Variants in CREM observed in about 807,000 individuals in gnomAD.
CREM encodes cAMP-responsive element modulator.
Under a neutral mutation model 37.3 loss-of-function variants are expected in CREM, and 13 were observed. The observed-to-expected ratio is 0.35, with a 90% CI of 0.23 to 0.55. The LOEUF is 0.55. CREM is among the 20% of genes least tolerant of loss of function. The pLI is 0.88. For missense variants in CREM, 296 were observed against 362.3 expected (o/e 0.82, Z 1.49); for synonymous variants, 124 against 120.2 (o/e 1.03, Z -0.21).
chr10:35,207,299 C>A (rs1323426463), intron 7 of CREM, among the ~76,000 whole-genome samples: 1 of 152,008 alleles, frequency 6.6e-6, no homozygotes, highest in East Asian at 1.9e-4. Context: ...GAGGCTGAGG[C>A]AGGACAATGG....
At chr10:35,148,625 T>A in intron 3 of CREM, 134 bp downstream of exon 3, 2 of 1,022,170 alleles carry the variant, frequency 2.0e-6, no homozygotes, top group Non-Finnish European at 2.8e-6. Context: ...TATTTGATTG[T>A]GAAGAAAAGA....
intron 6 of CREM, among the ~76,000 whole-genome samples, chr10:35,189,141 A>G (rs1008072106): frequency 2.6e-5 from 4 of 151,210 alleles, no homozygotes; most frequent in African/African-American, 9.7e-5. Context: ...TTTCTAGGCA[A>G]CTCATTTCAA....
intron 6 of CREM, among the ~76,000 whole-genome samples, chr10:35,205,053 C>T (rs1273879263): frequency 2.0e-5 from 3 of 152,140 alleles, no homozygotes; most frequent in Non-Finnish European, 4.4e-5. Flanking sequence ...TTGCACTTAG[C>T]TTTGAGAGAG....
chr10:35,152,317 A>C (rs779700061), intron 3 of CREM: 1 of 152,232 alleles, frequency 6.6e-6, no homozygotes, highest in Non-Finnish European at 1.5e-5. Flanking sequence ...GAAAATCATC[A>C]GAGACCTAGC....
intron 7 of CREM, among the ~76,000 whole-genome samples, chr10:35,208,502 C>A (rs2095589202): frequency 6.6e-6 from 1 of 151,942 alleles, no homozygotes; most frequent in Non-Finnish European, 1.5e-5. Flanking sequence ...TTAGAGTTTC[C>A]CAGTAGTCTT....
intron 6 of CREM, chr10:35,195,853 G>A (rs2095135506): frequency 1.8e-6 from 1 of 564,100 alleles, no homozygotes; most frequent in African/African-American, 1.9e-5. Context: ...GCTGCACATT[G>A]ACGTCAGCTC....
At chr10:35,199,712 C>T (rs537965766) in intron 6 of CREM, among the ~76,000 whole-genome samples, 3 of 152,130 alleles carry the variant, frequency 2.0e-5, no homozygotes, top group South Asian at 2.1e-4. Flanking sequence ...AGTAGTGGAC[C>T]CGTTCGAGTC....
intron 5 of CREM, among the ~76,000 whole-genome samples, chr10:35,187,201 A>ATTATATATT (rs2094676412): frequency 2.6e-5 from 2 of 78,172 alleles, no homozygotes; most frequent in African/African-American, 8.9e-5. Flanking sequence ...ATTAATATAT[A>ATTATATATT]ATATATATTA....
In CREM at chr10:35,210,445, T is replaced by G. The variant is rs116568832; in HGVS notation, c.756-809T>G. 1.8e-3 allele frequency: 273 copies of G among 152,358 alleles called. 2 individuals are homozygous for G. Among genetic ancestry groups the G allele is most frequent in the African/African-American group, 6.4e-3 (266 of 41,582 alleles). The allele number at this position is 152,358 out of a possible 1,614,324, so 9.4% of individuals were successfully genotyped here. A position where few individuals can be genotyped will look rare whatever the true frequency, so the allele number is the denominator to read the frequency against. ...TTGCTTTGGCTACTGGTCTGTTCTT[T>G]CATTTTGGGCTTATAGTGCTTTAAA... is the stretch of plus-strand genomic sequence containing the variant. On this transcript the variant is annotated intron_variant, in intron 7 of 7. Transcript: ENST00000685392.
At chr10:35,188,442 C>T in intron 6 of CREM, 54 bp downstream of exon 6, 1 of 1,428,200 alleles carries the variant, frequency 7.0e-7, no homozygotes, top group Non-Finnish European at 9.4e-7. Flanking sequence ...CTATATCACA[C>T]CATTGAGTGG....
chr10:35,190,562 A>G (rs952187590), intron 6 of CREM, among the ~76,000 whole-genome samples: 9 of 152,246 alleles, frequency 5.9e-5, no homozygotes, highest in African/African-American at 2.2e-4. Context: ...ATACAGAGTT[A>G]GTTTTTTGTG....
intron 6 of CREM, among the ~76,000 whole-genome samples, chr10:35,202,872 AT>A (rs1197934297): frequency 1.3e-5 from 2 of 151,994 alleles, no homozygotes; most frequent in Non-Finnish European, 2.9e-5. Context: ...TTAAAGTGGT[AT>A]TTTTTTCTGA....
intron 7 of CREM, chr10:35,209,363 C>T (rs2134768778): frequency 1.0e-6 from 1 of 985,362 alleles, no homozygotes; most frequent in African/African-American, 1.7e-5. Context: ...GCTGAGGATA[C>T]ACCCAGACAC....
chr10:35,157,236 A>T (rs1564835067), intron 3 of CREM, among the ~76,000 whole-genome samples: 1 of 151,968 alleles, frequency 6.6e-6, no homozygotes, highest in Non-Finnish European at 1.5e-5. Flanking sequence ...TAAAGAAGGG[A>T]TGTACCTCAG....
At chr10:35,188,550 A>G in intron 6 of CREM, 162 bp downstream of exon 6, 2 of 527,854 alleles carry the variant, frequency 3.8e-6, no homozygotes, top group Non-Finnish European at 3.0e-6. Context: ...TACATTAAAC[A>G]GCAAATTAAG....
At chr10:35,154,166 C>T (rs1024172962) in intron 3 of CREM, 7 of 398,068 alleles carry the variant, frequency 1.8e-5, no homozygotes, top group Non-Finnish European at 2.7e-5. Context: ...TTGTCATGTG[C>T]GAGTTGTAAA....
chr10:35,195,337 T>G, intron 6 of CREM: 1 of 1,034,066 alleles, frequency 9.7e-7, no homozygotes, highest in East Asian at 2.6e-5. Context: ...GTGTAAGACT[T>G]TTTTTGAAAT....
intron 3 of CREM, among the ~76,000 whole-genome samples, chr10:35,165,433 A>C (rs1239724243): frequency 6.6e-6 from 1 of 152,208 alleles, no homozygotes; most frequent in Non-Finnish European, 1.5e-5. Flanking sequence ...GCGGATAAGC[A>C]TCCAAACTGT....
chr10:35,163,571 A>C (rs1450042340), intron 3 of CREM, among the ~76,000 whole-genome samples: 2 of 152,158 alleles, frequency 1.3e-5, no homozygotes, highest in Admixed American at 1.3e-4. Flanking sequence ...TAATCCCAGC[A>C]CTTTGGGAAG....
Sources: allele counts gnomAD v4.1 joint callset (sites outside exome capture counted in the v4.1 genomes callset), GRCh38; gene constraint gnomAD v4.1.1; transcripts MANE v1.5; gene names NCBI Gene and HGNC (gene_info 2026-07-23, HGNC 2026-07-21).